The following EVI5 variants were observed in gnomAD, a reference collection of about 807,000 sequenced individuals.
EVI5 encodes the protein ecotropic viral integration site 5 protein homolog.
In EVI5, 73 loss-of-function variants were observed where a neutral mutation model predicts 112.0. The observed-to-expected ratio is 0.65, with a 90% CI of 0.54 to 0.79. The LOEUF is 0.79. EVI5 is among the 30% of genes least tolerant of loss of function. The pLI is 0.00. For synonymous variants in EVI5, 305 were observed against 319.9 expected, an observed-to-expected ratio of 0.95 and a Z score of 0.50; for missense variants, 900 against 968.8, an observed-to-expected ratio of 0.93 and a Z score of 0.94.
At chr1:92,613,728 A>G (rs1396274203) in intron 16 of EVI5, among the ~76,000 whole-genome samples, 1 of 152,060 alleles carries the variant, frequency 6.6e-6, no homozygotes, top group Non-Finnish European at 1.5e-5. Context: ...AGCTGGGACT[A>G]CAGGCACATA....
chr1:92,616,667 T>G (rs934671427), intron 16 of EVI5, among the ~76,000 whole-genome samples: 2 of 152,182 alleles, frequency 1.3e-5, no homozygotes, highest in African/African-American at 4.8e-5. Context: ...CAGAGACCTC[T>G]AGGATTTTGG....
chr1:92,744,600 TCACA>T (rs961223051), intron 1 of EVI5, among the ~76,000 whole-genome samples: 1,558 of 27,934 alleles, frequency 0.056, 25 homozygotes, highest in African/African-American at 0.11. Flanking sequence ...TCTCTCTCTC[TCACA>T]CACACACACA....
chr1:92,612,860 T>C (rs1354969148), intron 16 of EVI5, among the ~76,000 whole-genome samples: 1 of 151,738 alleles, frequency 6.6e-6, no homozygotes, highest in Admixed American at 6.6e-5. Context: ...AGAATAAATA[T>C]CAGACTGGTG....
chr1:92,538,315 C>T (rs1557738344), intron 19 of EVI5, among the ~76,000 whole-genome samples: 1 of 152,220 alleles, frequency 6.6e-6, no homozygotes, highest in Non-Finnish European at 1.5e-5. Flanking sequence ...AATCACTTCA[C>T]ACTTGTTTCA....
chr1:92,554,960 A>AC (rs1259437253), intron 19 of EVI5, among the ~76,000 whole-genome samples: 2 of 152,210 alleles, frequency 1.3e-5, no homozygotes, highest in Non-Finnish European at 2.9e-5. Flanking sequence ...CAGCTGGGCC[A>AC]CAGAGCAAGA....
intron 2 of EVI5, chr1:92,732,220 A>G (rs149956330): frequency 3.2e-5 from 8 of 250,152 alleles, no homozygotes; most frequent in African/African-American, 1.9e-4. Flanking sequence ...GTGTTGAAAA[A>G]CTTGTGGCAG....
intron 2 of EVI5, among the ~76,000 whole-genome samples, chr1:92,720,215 C>T (rs866795776): frequency 6.6e-5 from 10 of 151,934 alleles, no homozygotes; most frequent in African/African-American, 2.2e-4. Flanking sequence ...CCCACATTGC[C>T]GAAACAATCC....
chr1:92,727,757 T>A (rs1001560288), intron 2 of EVI5, among the ~76,000 whole-genome samples: 5 of 152,242 alleles, frequency 3.3e-5, no homozygotes, highest in African/African-American at 1.2e-4. Flanking sequence ...GGCTCACACA[T>A]GTAATCCAAA....
At chr1:92,692,943 A>C (rs1669728476) in intron 9 of EVI5, among the ~76,000 whole-genome samples, 1 of 152,238 alleles carries the variant, frequency 6.6e-6, no homozygotes, top group African/African-American at 2.4e-5. Context: ...AATCACAGCT[A>C]TTATTTTAAT....
At chr1:92,571,620 ATG>A (rs1404686055) in intron 18 of EVI5, among the ~76,000 whole-genome samples, 1 of 152,180 alleles carries the variant, frequency 6.6e-6, no homozygotes, top group African/African-American at 2.4e-5. Flanking sequence ...AGACATAGCA[ATG>A]AATTACTATA....
intron 1 of EVI5, among the ~76,000 whole-genome samples, chr1:92,740,428 C>T (rs962253977): frequency 2.0e-5 from 3 of 152,142 alleles, no homozygotes; most frequent in African/African-American, 7.2e-5. Flanking sequence ...CTGTGTTACA[C>T]TCATTTTTAT....
chr1:92,606,924 C>CA (rs1557886813), intron 17 of EVI5, among the ~76,000 whole-genome samples: 10,221 of 91,354 alleles, frequency 0.11, 714 homozygotes, highest in African/African-American at 0.23. Context: ...ACACACACAC[C>CA]CCCCCAAACC....
At chr1:92,701,020 T>C (rs910282346) in intron 5 of EVI5, 1 of 152,230 alleles carries the variant, frequency 6.6e-6, no homozygotes, top group African/African-American at 2.4e-5. Flanking sequence ...TAATTCCACT[T>C]AGAAATCAAT....
At chr1:92,531,134 G>A (rs1662796811) in intron 19 of EVI5, among the ~76,000 whole-genome samples, 6 of 151,902 alleles carry the variant, frequency 3.9e-5, no homozygotes, top group Admixed American at 3.9e-4. Context: ...AGAATTTCAT[G>A]AAGCATACAC....
intron 13 of EVI5, among the ~76,000 whole-genome samples, chr1:92,642,109 C>T (rs1303022047): frequency 1.3e-5 from 2 of 151,544 alleles, no homozygotes; most frequent in Non-Finnish European, 2.9e-5. Context: ...CCAGCCTGGG[C>T]AACAGAGCGA....
At chr1:92,526,373 C>T (rs1661886713) in intron 19 of EVI5, among the ~76,000 whole-genome samples, 1 of 152,112 alleles carries the variant, frequency 6.6e-6, no homozygotes, top group Non-Finnish European at 1.5e-5. Flanking sequence ...ATTATTCTTT[C>T]TAGCTAGAAA....
intron 9 of EVI5, among the ~76,000 whole-genome samples, chr1:92,683,996 G>C (rs1403312294): frequency 6.6e-6 from 1 of 152,144 alleles, no homozygotes; most frequent in East Asian, 1.9e-4. Flanking sequence ...TTATCCAAAA[G>C]AACTTCCCTA....
At chr1:92,648,305 G>A (rs1177064845) in intron 13 of EVI5, among the ~76,000 whole-genome samples, 2 of 149,408 alleles carry the variant, frequency 1.3e-5, no homozygotes, top group African/African-American at 2.5e-5. Flanking sequence ...CCCGGGAGGC[G>A]GAGCTTGCAA....
intron 14 of EVI5, among the ~76,000 whole-genome samples, chr1:92,635,940 T>C (rs572287980): frequency 6.6e-6 from 1 of 152,362 alleles, no homozygotes; most frequent in South Asian, 2.1e-4. Context: ...ACTCTTTTTA[T>C]GAAAATTATT....
Sources: allele counts gnomAD v4.1 joint callset (sites outside exome capture counted in the v4.1 genomes callset), GRCh38; gene constraint gnomAD v4.1.1; transcripts MANE v1.5; gene names NCBI Gene and HGNC (gene_info 2026-07-23, HGNC 2026-07-21).